Variants in NBAS observed in about 807,000 individuals in gnomAD.
NBAS encodes the protein NBAS subunit of NRZ tethering complex.
Under a neutral mutation model 302.5 loss-of-function variants are expected in NBAS, and 219 were observed. The observed-to-expected ratio is 0.72, with a 90% CI of 0.65 to 0.81. The LOEUF (loss-of-function observed/expected upper bound fraction) is 0.81. Among genes scored for constraint, NBAS ranks in the 30% least tolerant of loss-of-function variants. The pLI, the probability that NBAS is intolerant of heterozygous loss-of-function variation, is 0.00. For missense variants in NBAS, 2,932 were observed against 2,841.6 expected (o/e 1.03, Z -0.72); for synonymous variants, 1,118 against 1,021.6 (o/e 1.09, Z -1.80).
At position 15,458,739 on chromosome 2, in the gene NBAS, AAAGG is replaced by A. The variant is rs201453558; in HGVS notation, c.2339+2458_2339+2461del. Among the ~76,000 whole-genome samples, 918 of 152,298 alleles carry A rather than the reference AAAGG, an allele frequency of 6.0e-3. 10 individuals carry two copies. The highest frequency in any genetic ancestry group is 0.02 in the African/African-American group (831 of 41,558). On this transcript the variant is annotated intron_variant, in intron 21 of 51. Transcript: ENST00000281513. Reference sequence around the variant, plus strand: ...CAGACTAATACAAACCTAAATTATGAAAGGACAGAGATATTATTGTAACCTATTG... The same window carrying A: ...CAGACTAATACAAACCTAAATTATGAACAGAGATATTATTGTAACCTATTG...
the NBAS span, among the ~76,000 whole-genome samples, chr2:15,005,168 T>C: frequency 1.7e-3 from 254 of 152,224 alleles, 5 homozygotes; most frequent in African/African-American, 6.0e-3. Flanking sequence ...CCTTAACAGA[T>C]TGTTAAATGC....
the NBAS span, among the ~76,000 whole-genome samples, chr2:15,021,239 TA>T: frequency 1.1e-4 from 17 of 148,964 alleles, no homozygotes; most frequent in Admixed American, 2.7e-4. Flanking sequence ...AGACCTTGTC[TA>T]AAAAAAAAAT....
At chr2:15,188,801 A>G (rs1365191058) in intron 49 of NBAS, among the ~76,000 whole-genome samples, 1 of 152,250 alleles carries the variant, frequency 6.6e-6, no homozygotes, top group African/African-American at 2.4e-5. Context: ...GAAACTGTAA[A>G]CTAAAGTTAA....
chr2:15,094,380 T>G, the NBAS span, among the ~76,000 whole-genome samples: 1 of 152,218 alleles, frequency 6.6e-6, no homozygotes, highest in African/African-American at 2.4e-5. Flanking sequence ...GTAATAATAG[T>G]GTTTGTTATG....
the NBAS span, among the ~76,000 whole-genome samples, chr2:14,965,661 C>G: frequency 6.6e-6 from 1 of 152,050 alleles, no homozygotes; most frequent in African/African-American, 2.4e-5. Context: ...GGGAATACTT[C>G]CCAATTCATT....
In NBAS at chr2:15,308,293, C is replaced by A; in HGVS notation, c.4720G>T (p.Ala1574Ser). The A allele has an allele frequency of 6.2e-7, 1 of 1,614,134 alleles. No individual in the cohort carries two copies. The highest frequency in any genetic ancestry group is 8.5e-7 in the Non-Finnish European group (1 of 1,180,038). The change falls in exon 40 of 52, where the codon GCA becomes TCA. Residue 1574 changes from alanine (A) to serine (S), a missense_variant. By Grantham distance (99) the Ala-to-Ser change is moderately conservative. Transcript: ENST00000281513. ...ATCTGGAGGCTATAGTAATACGCTG[C>A]CAGCTGGAGAGATAATGCAGAGGGG... The part of the protein sequence containing the change: ...QSPSALSLQL[A>S]AYYYSLQIYA...
chr2:15,551,530 T>C lies in NBAS; in HGVS notation c.342A>G (p.Ala114=), dbSNP rs768244638. Residue 114 remains alanine, a synonymous_variant, in exon 6 of 52, where the codon GCA becomes GCG. Transcript: ENST00000281513. ...CAATAATGGATGTAAAATCATCTTTTGCAGACCTGTAAAACATGCAAAATC... is the reference window on the plus strand; with the variant it reads ...CAATAATGGATGTAAAATCATCTTTCGCAGACCTGTAAAACATGCAAAATC... ...VQDQCVEIRS[A]KDDFTSIIGK... The C allele has an allele frequency of 3.1e-6, 5 of 1,609,138 alleles. No individual in the cohort carries two copies. Among genetic ancestry groups the C allele is most frequent in the Non-Finnish European group, 4.2e-6 (5 of 1,176,938 alleles).
chr2:14,944,193 G>A, the NBAS span, among the ~76,000 whole-genome samples: 29 of 152,238 alleles, frequency 1.9e-4, no homozygotes, highest in East Asian at 4.6e-3. Flanking sequence ...CCAGCTACGC[G>A]GGAGGCTGAG....
chr2:15,058,759 G>T, the NBAS span, among the ~76,000 whole-genome samples: 1 of 152,048 alleles, frequency 6.6e-6, no homozygotes, highest in Non-Finnish European at 1.5e-5. Context: ...CAACTGGCCG[G>T]GAATCTCCAC....
intron 47 of NBAS, 116 bp from the exon 48 acceptor site, chr2:15,219,084 T>C: frequency 2.3e-6 from 3 of 1,324,662 alleles, no homozygotes; most frequent in Admixed American, 2.2e-5. Context: ...TTCGTTTTTT[T>C]CCTCTTGAAA....
Position 15,218,100 on chromosome 2 carries a change from C to T in NBAS, c.6432+673G>A, listed in dbSNP as rs538652046. Among the ~76,000 whole-genome samples, 4 of 152,004 alleles carry T rather than the reference C, an allele frequency of 2.6e-5. No individual in the cohort carries two copies. In the South Asian group the frequency reaches 8.3e-4, roughly 32 times the overall value. ...AGCATTTTAGTACCTGGGCAGAGCA[C>T]GAAGGAAATGAATTAGCTAAATATA... On this transcript the variant is annotated intron_variant, in intron 48 of 51. Coordinates refer to ENST00000281513, the MANE Select transcript of NBAS (RefSeq NM_015909.4).
intron 21 of NBAS, among the ~76,000 whole-genome samples, chr2:15,458,539 G>A: frequency 6.6e-6 from 1 of 152,098 alleles, no homozygotes; most frequent in Admixed American, 6.5e-5. Context: ...CTCTCACCAT[G>A]TGAGAGCGCT....
At chr2:15,034,037 A>AAGAAGAAGAAGG in the NBAS span, among the ~76,000 whole-genome samples, 61 of 42,018 alleles carry the variant, frequency 1.5e-3, 2 homozygotes, top group Admixed American at 0.011. Context: ...GAGGAGGAGG[A>AAGAAGAAGAAGG]AGGAGGAGGA....
chr2:15,504,946 C>G (rs1343607662), intron 10 of NBAS, among the ~76,000 whole-genome samples: 3 of 152,138 alleles, frequency 2.0e-5, no homozygotes, highest in Non-Finnish European at 4.4e-5. Context: ...ATAGCCAGAA[C>G]TTCTGAGTTG....
At chr2:15,502,251 C>T (rs1661603435) in intron 11 of NBAS, among the ~76,000 whole-genome samples, 1 of 152,194 alleles carries the variant, frequency 6.6e-6, no homozygotes, top group African/African-American at 2.4e-5. Context: ...GTAATGCAAA[C>T]TTCCTGTGAG....
At chr2:15,004,061 AAG>A in the NBAS span, among the ~76,000 whole-genome samples, 1 of 152,334 alleles carries the variant, frequency 6.6e-6, no homozygotes, top group South Asian at 2.1e-4. Context: ...TATAACATTT[AAG>A]AGTGTGTCTC....
intron 19 of NBAS, 61 bp from the exon 20 acceptor site, chr2:15,461,852 A>G (rs1023779960): frequency 9.0e-6 from 8 of 893,246 alleles, no homozygotes; most frequent in Non-Finnish European, 1.5e-5. Flanking sequence ...GGGTGACAAG[A>G]AAATATTAAA....
At chr2:15,134,269 T>C in the NBAS span, among the ~76,000 whole-genome samples, 4 of 152,172 alleles carry the variant, frequency 2.6e-5, no homozygotes, top group African/African-American at 9.7e-5. Context: ...CTTTCTGCCC[T>C]GCGAGGAAAC....
At chr2:14,914,932 C>T in the NBAS span, among the ~76,000 whole-genome samples, 2 of 152,168 alleles carry the variant, frequency 1.3e-5, no homozygotes, top group African/African-American at 4.8e-5. Context: ...GAAAGTTTCA[C>T]CCTCCACCTA....
Sources: allele counts gnomAD v4.1 joint callset (sites outside exome capture counted in the v4.1 genomes callset), GRCh38; gene constraint gnomAD v4.1.1; transcripts MANE v1.5; gene names NCBI Gene and HGNC (gene_info 2026-07-23, HGNC 2026-07-21).